NCOR1: variants seen among roughly 807,000 people sequenced by gnomAD.
The protein encoded by NCOR1 is protein phosphatase 1, regulatory subunit 109.
Under a neutral mutation model 288.1 loss-of-function variants are expected in NCOR1, and 63 were observed. The ratio of observed to expected loss-of-function variants is 0.22; its 90% CI spans 0.18 to 0.27. The LOEUF (loss-of-function observed/expected upper bound fraction) is 0.27, where lower values mean the gene tolerates loss of function less well. NCOR1 is among the 10% of genes least tolerant of loss of function. The probability of loss-of-function intolerance (pLI) is 1.00; values close to 1 mark genes in which losing one functional copy is unlikely to be tolerated. For synonymous variants in NCOR1, 1,007 were observed against 1,065.9 expected, an observed-to-expected ratio of 0.94 and a Z score of 1.08; for missense variants, 2,397 against 3,019.2, an observed-to-expected ratio of 0.79 and a Z score of 4.83.
chr17:16,205,630 GAA>G lies in NCOR1; in HGVS notation c.-71+9730_-71+9731del, dbSNP rs1389225306. ...GAGCGAGGCTCTGTCTAAAAGAAAA[GAA>G]AAGAAAAGAAGAAAAAAAAAAAAGG... On this transcript the variant is annotated intron_variant, in intron 1 of 45. Transcript: ENST00000268712. Among the ~76,000 whole-genome samples, 30 of 96,142 alleles carry G rather than the reference GAA, an allele frequency of 3.1e-4. No individual in the cohort carries two copies. The South Asian group carries it at 7.1e-3, about 23-fold the overall frequency. The allele number at this position is 96,142 out of a possible 152,430, so 63.1% of individuals were successfully genotyped here. A position where few individuals can be genotyped will look rare whatever the true frequency, so the allele number is the denominator to read the frequency against.
intron 21 of NCOR1, among the ~76,000 whole-genome samples, chr17:16,093,772 G>T (rs962396105): frequency 4.6e-5 from 7 of 152,100 alleles, no homozygotes; most frequent in African/African-American, 1.7e-4. Flanking sequence ...TTGATCCAAT[G>T]AAAATATTAT....
At chr17:16,033,315 A>G (rs965759821) in intron 45 of NCOR1, among the ~76,000 whole-genome samples, 17 of 149,752 alleles carry the variant, frequency 1.1e-4, no homozygotes, top group African/African-American at 4.0e-4. Flanking sequence ...AGCCTGGGCA[A>G]CAAGAACGAA....
At chr17:16,094,077 T>G (rs1277889949) in intron 21 of NCOR1, among the ~76,000 whole-genome samples, 1 of 152,046 alleles carries the variant, frequency 6.6e-6, no homozygotes, top group Non-Finnish European at 1.5e-5. Flanking sequence ...TTTTTTTGTT[T>G]TTTTTTGGAG....
chr17:16,075,994 A>G (rs2062399967), intron 26 of NCOR1, among the ~76,000 whole-genome samples: 1 of 152,228 alleles, frequency 6.6e-6, no homozygotes, highest in Non-Finnish European at 1.5e-5. Context: ...TAACTCTCAG[A>G]AGTTTCTCTT....
In NCOR1 at chr17:16,117,996, T is replaced by C. The variant is rs369893746; in HGVS notation, c.1947A>G (p.Ala649=). ...TTTTCGTTCCCACCATTTTAGCAAT[T>C]GCTGCCCAGTTACGACCATGTTCTA... The part of the protein sequence containing the change: ...GLVEHGRNWA[A]IAKMVGTKSE... Residue 649 remains alanine (A), a synonymous_variant, in exon 18 of 46, where the codon GCA becomes GCG. Transcript: ENST00000268712. 19 of 1,613,968 alleles carry C rather than the reference T, an allele frequency of 1.2e-5. No individual in the cohort carries two copies. In the African/African-American group the frequency reaches 2.3e-4, roughly 19 times the overall value.
Position 16,108,908 on chromosome 17 carries a change from G to A in NCOR1, c.2060C>T (p.Ser687Leu), listed in dbSNP as rs780796739. 1.9e-6 allele frequency: 3 copies of A among 1,581,626 alleles called. No individual in the cohort carries two copies. The South Asian group carries it at 3.6e-5, about 19-fold the overall frequency. ...ATCTCGCTCTTCACGAGGTTTTCGT[G>A]AAGTCTAAAGGAGGAAAGAGTATTA... is the stretch of plus-strand genomic sequence containing the variant. ...NLLQQHKQKT[S>L]RKPREERDVS... Residue 687 changes from serine (S) to leucine (L), a missense_variant, in exon 19 of 46, where the codon TCA becomes TTA. Around this residue, in one of 11 missense-constraint regions of NCOR1, gnomAD observed 1,872 missense variants for 2,187.8 expected, o/e 0.86. Coordinates refer to ENST00000268712, the MANE Select transcript of NCOR1 (RefSeq NM_006311.4).
At chr17:16,105,033 G>A (rs531788703) in intron 19 of NCOR1, among the ~76,000 whole-genome samples, 27 of 152,082 alleles carry the variant, frequency 1.8e-4, no homozygotes, top group African/African-American at 6.3e-4. Flanking sequence ...GAGCAGAGGG[G>A]GCCAACAAAA....
rs372814812 is a variant in NCOR1, at chr17:16,164,926, A to G, written c.618+53T>C. ...AAATATGGAAAACTCAAAAATATCTACTGTAGGGAGACAAACATACATTCT... is the reference window on the plus strand; with the variant it reads ...AAATATGGAAAACTCAAAAATATCTGCTGTAGGGAGACAAACATACATTCT... On this transcript the variant is annotated intron_variant, in intron 5 of 45. Transcript: ENST00000268712. 11 of 1,281,636 alleles carry G rather than the reference A, an allele frequency of 8.6e-6. No individual in the cohort carries two copies. The Admixed American group carries it at 2.5e-4, about 29-fold the overall frequency. 79.4% of individuals were successfully genotyped at this position (1,281,636 alleles called of 1,614,324 possible). A position where few individuals can be genotyped will look rare whatever the true frequency, so the allele number is the denominator to read the frequency against.
At chr17:16,208,972 G>C (rs947833520) in intron 1 of NCOR1, among the ~76,000 whole-genome samples, 1 of 152,114 alleles carries the variant, frequency 6.6e-6, no homozygotes, top group Non-Finnish European at 1.5e-5. Flanking sequence ...GTGTATCAGA[G>C]ATCTTCTACA....
At chr17:16,090,765 G>C (rs958660953) in intron 22 of NCOR1, among the ~76,000 whole-genome samples, 11 of 152,110 alleles carry the variant, frequency 7.2e-5, no homozygotes, top group African/African-American at 2.7e-4. Context: ...AGTGTATTAG[G>C]CAACTAATAA....
chr17:16,168,840 G>A (rs76773654), intron 4 of NCOR1, among the ~76,000 whole-genome samples: 5 of 151,718 alleles, frequency 3.3e-5, no homozygotes, highest in South Asian at 2.1e-4. Flanking sequence ...ACTTGGTGGC[G>A]TGCGCCTGTA....
At chr17:16,071,300 A>C (rs2061734223) in intron 30 of NCOR1, 109 bp downstream of exon 30, 3 of 1,447,974 alleles carry the variant, frequency 2.1e-6, no homozygotes, top group Non-Finnish European at 2.8e-6. Flanking sequence ...TTTCATGTTT[A>C]CTTCCAGGAG....
At chr17:16,068,715 A>AT (rs11438641) in intron 31 of NCOR1, among the ~76,000 whole-genome samples, 72,554 of 135,268 alleles carry the variant, frequency 0.54, 19,952 homozygotes, top group Middle Eastern at 0.63. Context: ...ATCATCCTCA[A>AT]TTTTTTTTTT....
At chr17:16,035,424 T>C (rs763020448) in intron 44 of NCOR1, among the ~76,000 whole-genome samples, 5 of 152,108 alleles carry the variant, frequency 3.3e-5, no homozygotes, top group Non-Finnish European at 7.4e-5. Flanking sequence ...AAGAAACCAC[T>C]TTCTTTGCTC....
intron 42 of NCOR1, among the ~76,000 whole-genome samples, chr17:16,043,686 G>A (rs1474257207): frequency 1.3e-5 from 2 of 152,148 alleles, no homozygotes; most frequent in East Asian, 1.9e-4. Context: ...ACCACACAAA[G>A]GTGAAATGAT....
chr17:16,175,825 T>C lies in NCOR1; in HGVS notation c.243-3830A>G, dbSNP rs1272876572. ...CTTGAACCCAGGAGTTTAGAGACTT[T>C]GTCTCTTTTAAAAAAAAAAAAAAAA... On this transcript the variant is annotated intron_variant, in intron 3 of 45. Coordinates refer to ENST00000268712, the MANE Select transcript of NCOR1 (RefSeq NM_006311.4). Among the ~76,000 whole-genome samples, 12 of 135,322 alleles carry C rather than the reference T, an allele frequency of 8.9e-5. No individual in the cohort carries two copies. The Middle Eastern group carries it at 0.026, about 297-fold the overall frequency. 88.8% of individuals were successfully genotyped at this position (135,322 alleles called of 152,430 possible).
intron 3 of NCOR1, among the ~76,000 whole-genome samples, chr17:16,183,260 G>GAAAA (rs2085913853): frequency 7.6e-6 from 1 of 131,140 alleles, no homozygotes; most frequent in African/African-American, 2.9e-5. Flanking sequence ...AGAAAAAAAA[G>GAAAA]AAAAGAAATA....
At chr17:16,043,998 C>T (rs555548005) in intron 42 of NCOR1, among the ~76,000 whole-genome samples, 20 of 151,814 alleles carry the variant, frequency 1.3e-4, no homozygotes, top group Non-Finnish European at 2.5e-4. Context: ...GGATAAACCC[C>T]GTCTGTACTA....
chr17:16,190,343 T>G (rs923533577), intron 2 of NCOR1, among the ~76,000 whole-genome samples: 1 of 152,096 alleles, frequency 6.6e-6, no homozygotes, highest in African/African-American at 2.4e-5. Flanking sequence ...TGAAAGAATT[T>G]CTTTTTTTTT....
Sources: gnomAD v4.1 joint callset for allele counts (sites outside exome capture counted in the v4.1 genomes callset) on GRCh38, gnomAD v4.1.1 for gene constraint, gnomAD v4.1.1 regional missense constraint, MANE v1.5 for transcripts, NCBI Gene and HGNC (gene_info 2026-07-23, HGNC 2026-07-21) for gene names.